The following MRTFA variants were observed in gnomAD, a reference collection of about 807,000 sequenced individuals.
MRTFA encodes myocardin related transcription factor A, also known as myocardin-related transcription factor A.
MRTFA carries 20 observed loss-of-function variants against 83.5 expected under a neutral mutation model. That is an observed-to-expected ratio of 0.24 (90% CI 0.17 to 0.35). The LOEUF (loss-of-function observed/expected upper bound fraction) is 0.35. Ranked by LOEUF, MRTFA falls within the 10% of genes least tolerant of loss-of-function variation. MRTFA has a pLI of 1.00. For missense variants in MRTFA, 1,200 were observed against 1,224.7 expected, an observed-to-expected ratio of 0.98 and a Z score of 0.30; for synonymous variants, 659 against 541.2, an observed-to-expected ratio of 1.22 and a Z score of -3.02.
intron 3 of MRTFA, among the ~76,000 whole-genome samples, chr22:40,508,014 T>C (rs901367625): frequency 2.1e-5 from 3 of 139,546 alleles, no homozygotes; most frequent in South Asian, 2.3e-4. Context: ...TTGATTTATA[T>C]ATAAAGTACG....
At chr22:40,498,751 G>A (rs2054405663) in intron 3 of MRTFA, among the ~76,000 whole-genome samples, 1 of 152,144 alleles carries the variant, frequency 6.6e-6, no homozygotes, top group Non-Finnish European at 1.5e-5. Flanking sequence ...TCAGGAGCAG[G>A]CCACAGGCAG....
At chr22:40,540,712 G>A (rs2055273904) in intron 3 of MRTFA, among the ~76,000 whole-genome samples, 1 of 150,140 alleles carries the variant, frequency 6.7e-6, no homozygotes, top group Non-Finnish European at 1.5e-5. Context: ...GTGAGGTTAA[G>A]GTTGCAGTGA....
chr22:40,411,977 AG>A (rs2147049263), intron 14 of MRTFA, 70 bp from the exon 15 acceptor site: 1 of 1,329,880 alleles, frequency 7.5e-7, no homozygotes, highest in Non-Finnish European at 9.9e-7. Flanking sequence ...AAAAGAATGA[AG>A]GTGGACCCCC....
At chr22:40,578,324 G>A (rs190809281) in intron 2 of MRTFA, among the ~76,000 whole-genome samples, 161 of 152,162 alleles carry the variant, frequency 1.1e-3, no homozygotes, top group African/African-American at 3.7e-3. Flanking sequence ...ACACTGCTCT[G>A]GAGGAAAGTC....
chr22:40,490,885 T>C, intron 3 of MRTFA, among the ~76,000 whole-genome samples: 1 of 152,234 alleles, frequency 6.6e-6, no homozygotes, highest in East Asian at 1.9e-4. Context: ...GACAATTCTC[T>C]TTTATTCATA....
Position 40,417,465 on chromosome 22 carries a change from G to A in MRTFA, c.2393C>T (p.Pro798Leu). 6.3e-7 allele frequency: 1 copy of A among 1,595,434 alleles called. No individual in the cohort carries two copies. The highest frequency in any genetic ancestry group is 8.5e-7 in the Non-Finnish European group (1 of 1,171,808). Residue 798 changes from proline (P) to leucine (L), a missense_variant, in exon 13 of 15, where the codon CCT becomes CTT. Physicochemically the swap from Pro to Leu is moderately conservative, Grantham distance 98. Transcript: ENST00000355630. ...CAGGTCCATCTGGGCAGAGGGGGCA[G>A]GCGCTGGAGAGCCAGGCTGGGACGA...
At chr22:40,461,028 A>G (rs938094745) in intron 4 of MRTFA, among the ~76,000 whole-genome samples, 15 of 151,542 alleles carry the variant, frequency 9.9e-5, no homozygotes, top group African/African-American at 3.4e-4. Flanking sequence ...GGTAGACTCC[A>G]TCTCTATAAA....
intron 2 of MRTFA, among the ~76,000 whole-genome samples, chr22:40,567,762 G>A (rs988289059): frequency 2.6e-5 from 4 of 152,172 alleles, no homozygotes; most frequent in African/African-American, 9.7e-5. Flanking sequence ...AAGACAGGCA[G>A]TAGTTTGGGG....
chr22:40,587,183 T>A (rs766235577), intron 2 of MRTFA: 2 of 459,112 alleles, frequency 4.4e-6, no homozygotes, highest in Non-Finnish European at 8.8e-6. Context: ...ATGCAAAGAT[T>A]GCAGTTACTC....
rs151080591 is a variant in MRTFA, at chr22:40,626,277, G to A, written c.-84+10201C>T. ...TGGGATTACAGGCATGGGCTACCAT[G>A]CCTGTCCTAAGATTTACTCGTTTTT... is the stretch of plus-strand genomic sequence containing the variant. On this transcript the variant is annotated intron_variant, in intron 1 of 14. Coordinates refer to ENST00000355630, the MANE Select transcript of MRTFA (RefSeq NM_020831.6). 9.4e-4 allele frequency among the ~76,000 whole-genome samples: 143 copies of A among 151,386 alleles called. 3 individuals carry two copies. In the East Asian group the frequency reaches 0.025, roughly 27 times the overall value.
In MRTFA at chr22:40,578,301, C is replaced by T. The variant is rs933925759; in HGVS notation, c.-22+16373G>A. 7.2e-5 allele frequency among the ~76,000 whole-genome samples: 11 copies of T among 152,102 alleles called. No homozygotes were observed. In the South Asian group the frequency reaches 2.1e-3, roughly 29 times the overall value. On this transcript the variant is annotated intron_variant, in intron 2 of 14. Coordinates refer to ENST00000355630, the MANE Select transcript of MRTFA (RefSeq NM_020831.6). The stretch of plus-strand genomic sequence containing the variant: ...ACACTACTCACTCCCACCCACATAC[C>T]GCAGTTCAAAAAACACTGCTCTGGA...
intron 2 of MRTFA, among the ~76,000 whole-genome samples, chr22:40,571,045 AAAAAAAAAAAAAAAT>A: frequency 7.7e-6 from 1 of 129,882 alleles, no homozygotes. Flanking sequence ...AAAAAAAAAA[AAAAAAAAAAAAAAAT>A]TAGCTGGGCA....
At chr22:40,532,282 T>C (rs1468205670) in intron 3 of MRTFA, among the ~76,000 whole-genome samples, 1 of 152,194 alleles carries the variant, frequency 6.6e-6, no homozygotes, top group African/African-American at 2.4e-5. Flanking sequence ...AGTAACAAGG[T>C]GATTTTAAAA....
intron 3 of MRTFA, among the ~76,000 whole-genome samples, chr22:40,525,163 G>T (rs1012589088): frequency 1.3e-5 from 2 of 152,002 alleles, no homozygotes; most frequent in Admixed American, 1.3e-4. Context: ...TAGAAAATCA[G>T]AAAGATACAG....
chr22:40,496,573 C>T (rs1164582396), intron 3 of MRTFA, among the ~76,000 whole-genome samples: 6 of 145,262 alleles, frequency 4.1e-5, no homozygotes, highest in Non-Finnish European at 7.5e-5. Context: ...ATAATAAATG[C>T]ATTTTAAGTA....
chr22:40,588,246 C>G (rs2056062455), intron 2 of MRTFA, among the ~76,000 whole-genome samples: 1 of 152,108 alleles, frequency 6.6e-6, no homozygotes, highest in African/African-American at 2.4e-5. Context: ...TCAGGCTGAT[C>G]TCTAACTCCT....
chr22:40,563,426 A>G (rs2055658222), intron 2 of MRTFA, among the ~76,000 whole-genome samples: 1 of 152,054 alleles, frequency 6.6e-6, no homozygotes, highest in South Asian at 2.1e-4. Flanking sequence ...AAAAGAACTT[A>G]ATAAATATTT....
At position 40,423,687 on chromosome 22, in the gene MRTFA, TGA is replaced by T. The variant is rs1030343274; in HGVS notation, c.778-4_778-3del. On this transcript the variant is annotated splice_region_variant and splice_polypyrimidine_tract_variant and intron_variant, in intron 8 of 14. Coordinates refer to ENST00000355630, the MANE Select transcript of MRTFA (RefSeq NM_020831.6). ...GCCCATCGGAAGTTGAGACACAACC[TGA>T]GAGGGAAAAAGGGAAGTGAGGACAT... is the stretch of plus-strand genomic sequence containing the variant. The T allele has an allele frequency of 1.9e-6, 3 of 1,540,700 alleles. No individual in the cohort carries two copies. Among genetic ancestry groups the T allele is most frequent in the Non-Finnish European group, 2.6e-6 (3 of 1,139,354 alleles).
chr22:40,559,205 C>T (rs1255522194), intron 2 of MRTFA, among the ~76,000 whole-genome samples: 1 of 152,140 alleles, frequency 6.6e-6, no homozygotes, highest in Admixed American at 6.5e-5. Flanking sequence ...TCCTGGGCAA[C>T]ATGGCAAAAC....
Sources: gnomAD v4.1 joint callset for allele counts (sites outside exome capture counted in the v4.1 genomes callset) on GRCh38, gnomAD v4.1.1 for gene constraint, MANE v1.5 for transcripts, NCBI Gene and HGNC (gene_info 2026-07-23, HGNC 2026-07-21) for gene names.